AGBL1: variants seen among roughly 807,000 people sequenced by gnomAD.
AGBL1 encodes cytosolic carboxypeptidase 4.
In AGBL1, 130 loss-of-function variants were observed where a neutral mutation model predicts 118.9. The observed-to-expected ratio is 1.09, with a 90% CI of 0.95 to 1.26. The LOEUF (loss-of-function observed/expected upper bound fraction) is 1.26. Ranked by LOEUF, AGBL1 falls within the 50% of genes most tolerant of loss-of-function variation. The probability of loss-of-function intolerance (pLI) is 0.00; values close to 1 mark genes in which losing one functional copy is unlikely to be tolerated. For missense variants in AGBL1, 1,584 were observed against 1,298.1 expected (o/e 1.22, Z -3.38); for synonymous variants, 555 against 478.9 (o/e 1.16, Z -2.08).
intron 17 of AGBL1, among the ~76,000 whole-genome samples, chr15:86,353,775 G>T (rs556434956): frequency 6.6e-6 from 1 of 152,236 alleles, no homozygotes; most frequent in Non-Finnish European, 1.5e-5. Context: ...CAGACTTTTA[G>T]GGAAGAATGG....
chr15:86,504,962 A>G (rs547209553), intron 18 of AGBL1, among the ~76,000 whole-genome samples: 3 of 151,740 alleles, frequency 2.0e-5, no homozygotes, highest in Non-Finnish European at 4.4e-5. Context: ...ATAGCAATAA[A>G]TTCTCTTATT....
At chr15:86,922,329 C>T (rs2141621277) in intron 23 of AGBL1, among the ~76,000 whole-genome samples, 1 of 152,328 alleles carries the variant, frequency 6.6e-6, no homozygotes, top group Non-Finnish European at 1.5e-5. Flanking sequence ...CTCGCTCTGT[C>T]ACCCAGGCTG....
intron 16 of AGBL1, among the ~76,000 whole-genome samples, chr15:86,282,861 A>G (rs1238018279): frequency 1.3e-5 from 2 of 152,234 alleles, no homozygotes; most frequent in Non-Finnish European, 2.9e-5. Flanking sequence ...CGAGTCTCCT[A>G]TAATATGGAT....
intron 5 of AGBL1, among the ~76,000 whole-genome samples, chr15:86,163,226 C>A (rs1336718301): frequency 1.3e-5 from 2 of 152,178 alleles, no homozygotes; most frequent in African/African-American, 4.8e-5. Flanking sequence ...CGCTTGAGGC[C>A]AGGAGTTTGC....
chr15:86,400,583 A>G (rs1240227186), intron 18 of AGBL1, among the ~76,000 whole-genome samples: 2 of 150,752 alleles, frequency 1.3e-5, no homozygotes, highest in African/African-American at 4.9e-5. Context: ...ATTGTACCCA[A>G]TGTGTAGTCT....
intron 17 of AGBL1, among the ~76,000 whole-genome samples, chr15:86,322,431 G>A (rs1180359305): frequency 6.6e-6 from 1 of 151,978 alleles, no homozygotes; most frequent in African/African-American, 2.4e-5. Flanking sequence ...ATGCCTTAAA[G>A]GGCACTTTGA....
intron 22 of AGBL1, among the ~76,000 whole-genome samples, chr15:86,742,703 A>G (rs1219850882): frequency 3.3e-5 from 5 of 152,112 alleles, no homozygotes. Context: ...TGCCATTAGC[A>G]GTGTCAGAAA....
chr15:86,365,089 A>G (rs2080868321), intron 17 of AGBL1, among the ~76,000 whole-genome samples: 1 of 150,904 alleles, frequency 6.6e-6, no homozygotes, highest in Admixed American at 6.6e-5. Context: ...ACATATATAT[A>G]ATTGATTTAT....
intron 22 of AGBL1, among the ~76,000 whole-genome samples, chr15:86,735,529 TCTC>T (rs1195125439): frequency 2.0e-5 from 3 of 151,796 alleles, no homozygotes; most frequent in African/African-American, 4.8e-5. Flanking sequence ...ATAAATCAAA[TCTC>T]CTGTCTTCCT....
chr15:86,671,114 G>A (rs1443794620), intron 21 of AGBL1, among the ~76,000 whole-genome samples: 2 of 152,114 alleles, frequency 1.3e-5, no homozygotes, highest in South Asian at 2.1e-4. Context: ...AGTGACCAGC[G>A]CATAGTAAAG....
At chr15:86,827,405 ATATGTG>A (rs1293908689) in intron 22 of AGBL1, among the ~76,000 whole-genome samples, 469 of 9,248 alleles carry the variant, frequency 0.051, 92 homozygotes, top group East Asian at 0.31. Flanking sequence ...ATACATATAT[ATATGTG>A]TATATATATA....
chr15:86,636,739 A>ATC (rs2085098359), intron 21 of AGBL1, among the ~76,000 whole-genome samples: 2 of 58,070 alleles, frequency 3.4e-5, no homozygotes, highest in African/African-American at 1.8e-4. Context: ...ATATATATAT[A>ATC]TATATATATA....
chr15:86,393,591 A>G (rs954690477), intron 17 of AGBL1, among the ~76,000 whole-genome samples: 2 of 152,206 alleles, frequency 1.3e-5, no homozygotes, highest in Non-Finnish European at 2.9e-5. Flanking sequence ...GGAAAAAGCG[A>G]AACCAACTGT....
At chr15:86,406,874 T>A (rs1234977835) in intron 18 of AGBL1, among the ~76,000 whole-genome samples, 1 of 152,206 alleles carries the variant, frequency 6.6e-6, no homozygotes, top group South Asian at 2.1e-4. Flanking sequence ...ATGTAAACAA[T>A]TCTTCATTAT....
intron 22 of AGBL1, among the ~76,000 whole-genome samples, chr15:86,861,352 C>T (rs2079557000): frequency 6.6e-6 from 1 of 152,178 alleles, no homozygotes; most frequent in Non-Finnish European, 1.5e-5. Context: ...TGAGCTCATT[C>T]TTCAATGTGC....
At chr15:86,890,746 A>G (rs889270201) in intron 22 of AGBL1, among the ~76,000 whole-genome samples, 4 of 152,088 alleles carry the variant, frequency 2.6e-5, no homozygotes, top group Middle Eastern at 3.4e-3. Context: ...CCATTGGTCT[A>G]TGTGTCTGTT....
intron 21 of AGBL1, among the ~76,000 whole-genome samples, chr15:86,611,214 A>G (rs1009447865): frequency 2.0e-5 from 3 of 152,214 alleles, no homozygotes; most frequent in African/African-American, 4.8e-5. Context: ...TGAACAAAGA[A>G]AGAGCAACAA....
At chr15:86,934,603 T>G (rs1176705426) in intron 23 of AGBL1, among the ~76,000 whole-genome samples, 1 of 152,156 alleles carries the variant, frequency 6.6e-6, no homozygotes, top group Non-Finnish European at 1.5e-5. Flanking sequence ...AAATAAATAT[T>G]TATTAACTGC....
intron 22 of AGBL1, among the ~76,000 whole-genome samples, chr15:86,768,460 A>C (rs968104420): frequency 3.3e-5 from 5 of 151,882 alleles, no homozygotes; most frequent in African/African-American, 1.2e-4. Context: ...TCCTCCAGCT[A>C]CACTGGTCTC....
Sources: gnomAD v4.1 joint callset for allele counts (sites outside exome capture counted in the v4.1 genomes callset) on GRCh38, gnomAD v4.1.1 for gene constraint, MANE v1.5 for transcripts, NCBI Gene and HGNC (gene_info 2026-07-23, HGNC 2026-07-21) for gene names.